Variants in GRIK1 observed in about 807,000 individuals in gnomAD.
The protein encoded by GRIK1 is glutamate receptor ionotropic, kainate 1.
A neutral mutation model predicts 105.7 loss-of-function variants in GRIK1; 69 were observed. That is an observed-to-expected ratio of 0.65 (90% CI 0.54 to 0.80). GRIK1 has a LOEUF of 0.80. Among genes scored for constraint, GRIK1 ranks in the 30% least tolerant of loss-of-function variants. The pLI, the probability that GRIK1 is intolerant of heterozygous loss-of-function variation, is 0.00. For synonymous variants in GRIK1, 438 were observed against 431.3 expected (o/e 1.02, Z -0.19); for missense variants, 1,109 against 1,167.3 (o/e 0.95, Z 0.73).
intron 7 of GRIK1, among the ~76,000 whole-genome samples, chr21:29,638,243 G>A (rs571791536): frequency 4.7e-4 from 71 of 152,126 alleles, no homozygotes; most frequent in African/African-American, 1.7e-3. Flanking sequence ...CAATCATGGC[G>A]GAAGGGGAAG....
intron 7 of GRIK1, chr21:29,630,489 T>C (rs1218027698): frequency 4.2e-6 from 2 of 471,352 alleles, no homozygotes; most frequent in Admixed American, 4.7e-5. Flanking sequence ...AATAGTTCTT[T>C]AATAAAAAGG....
intron 1 of GRIK1, among the ~76,000 whole-genome samples, chr21:29,753,043 A>G (rs532289115): frequency 6.8e-4 from 104 of 152,328 alleles, no homozygotes; most frequent in African/African-American, 2.4e-3. Context: ...CTCTTGTCAG[A>G]TGATATCATG....
chr21:29,807,679 G>A (rs1394215598), intron 1 of GRIK1, among the ~76,000 whole-genome samples: 2 of 152,210 alleles, frequency 1.3e-5, no homozygotes, highest in East Asian at 3.9e-4. Flanking sequence ...CAAATTTGTT[G>A]ATACATATTT....
chr21:29,865,372 G>A (rs1013456576), intron 1 of GRIK1, among the ~76,000 whole-genome samples: 16 of 152,184 alleles, frequency 1.1e-4, no homozygotes, highest in East Asian at 1.9e-4. Flanking sequence ...TCCTAAAAAT[G>A]TTCATAAATA....
intron 1 of GRIK1, among the ~76,000 whole-genome samples, chr21:29,821,016 C>T (rs941315076): frequency 6.6e-6 from 1 of 151,308 alleles, no homozygotes; most frequent in African/African-American, 2.4e-5. Context: ...AAAGTTGAGA[C>T]CCACAAAACT....
rs192753995 is a variant in GRIK1, at chr21:29,623,769, G to C, written c.1098+19057C>G. 7.4e-3 allele frequency among the ~76,000 whole-genome samples: 1,131 copies of C among 152,272 alleles called. 5 individuals carry two copies. Among genetic ancestry groups the C allele is most frequent in the Non-Finnish European group, 0.011 (739 of 68,004 alleles). On this transcript the variant is annotated intron_variant, in intron 7 of 17. Transcript: ENST00000327783. Reference sequence around the variant, plus strand: ...GAATAGAAAGCACTGGTATAATGTAGTAGGTGTTTGACCCTATATAAGAGT... The same window carrying C: ...GAATAGAAAGCACTGGTATAATGTACTAGGTGTTTGACCCTATATAAGAGT...
chr21:29,900,767 T>G (rs1443835948), intron 1 of GRIK1, among the ~76,000 whole-genome samples: 4 of 152,274 alleles, frequency 2.6e-5, no homozygotes, highest in African/African-American at 9.6e-5. Context: ...GGACTTGAAC[T>G]CAGCTCTGGA....
chr21:29,575,802 AGCCTGGGC>A (rs2090878686), intron 14 of GRIK1, among the ~76,000 whole-genome samples: 1 of 152,178 alleles, frequency 6.6e-6, no homozygotes, highest in African/African-American at 2.4e-5. Flanking sequence ...ACTGGACTCC[AGCCTGGGC>A]GACAGAGCGA....
At chr21:29,817,771 A>G (rs2067193271) in intron 1 of GRIK1, among the ~76,000 whole-genome samples, 1 of 152,140 alleles carries the variant, frequency 6.6e-6, no homozygotes, top group South Asian at 2.1e-4. Context: ...AATCGCTGGT[A>G]TTTAAGGGTT....
At chr21:29,541,452 A>G (rs923391867) in intron 16 of GRIK1, among the ~76,000 whole-genome samples, 1 of 152,186 alleles carries the variant, frequency 6.6e-6, no homozygotes, top group African/African-American at 2.4e-5. Flanking sequence ...TGATAATTCA[A>G]TGTACTGTTA....
chr21:29,617,562 G>T (rs966394175), intron 7 of GRIK1, among the ~76,000 whole-genome samples: 1 of 152,104 alleles, frequency 6.6e-6, no homozygotes, highest in Admixed American at 6.6e-5. Context: ...CATCCCCCAG[G>T]TACCCGGGCC....
chr21:29,538,569 T>C (rs1219767476), intron 16 of GRIK1, among the ~76,000 whole-genome samples: 2 of 146,980 alleles, frequency 1.4e-5, no homozygotes, highest in African/African-American at 5.4e-5. Flanking sequence ...CTCAAGTGTT[T>C]TTATCACAAT....
intron 1 of GRIK1, among the ~76,000 whole-genome samples, chr21:29,853,540 T>G (rs1306414112): frequency 6.6e-6 from 1 of 152,236 alleles, no homozygotes; most frequent in Non-Finnish European, 1.5e-5. Context: ...GTAAAAGTAT[T>G]TACTAATTCT....
chr21:29,618,138 C>A (rs1313264445), intron 7 of GRIK1, among the ~76,000 whole-genome samples: 4 of 152,170 alleles, frequency 2.6e-5, no homozygotes, highest in African/African-American at 9.7e-5. Flanking sequence ...ACTTCAGAGA[C>A]AGGGTTAGCA....
At chr21:29,766,293 C>T (rs924960605) in intron 1 of GRIK1, among the ~76,000 whole-genome samples, 6 of 152,184 alleles carry the variant, frequency 3.9e-5, no homozygotes, top group African/African-American at 1.4e-4. Flanking sequence ...GTCTCCACCC[C>T]TAGCTACATT....
intron 1 of GRIK1, among the ~76,000 whole-genome samples, chr21:29,874,021 A>G (rs1263235056): frequency 1.3e-5 from 2 of 152,134 alleles, no homozygotes; most frequent in Admixed American, 6.5e-5. Context: ...TGAGAATCTA[A>G]TGCCGCAGCT....
At chr21:29,775,927 T>A (rs1263780698) in intron 1 of GRIK1, among the ~76,000 whole-genome samples, 2 of 152,206 alleles carry the variant, frequency 1.3e-5, no homozygotes, top group Non-Finnish European at 2.9e-5. Context: ...CTGGGTAATT[T>A]ATAAAGGAAA....
intron 1 of GRIK1, among the ~76,000 whole-genome samples, chr21:29,730,503 A>G (rs1399519445): frequency 1.3e-5 from 2 of 152,202 alleles, no homozygotes; most frequent in East Asian, 3.8e-4. Flanking sequence ...TGCAGATAAG[A>G]TTTCAAATAG....
At chr21:29,678,967 A>G (rs2063324014) in intron 3 of GRIK1, among the ~76,000 whole-genome samples, 2 of 152,166 alleles carry the variant, frequency 1.3e-5, no homozygotes, top group African/African-American at 4.8e-5. Context: ...TTTCTATGGG[A>G]AAATGGAAGG....
Sources: gnomAD v4.1 joint callset for allele counts (sites outside exome capture counted in the v4.1 genomes callset) on GRCh38, gnomAD v4.1.1 for gene constraint, MANE v1.5 for transcripts, NCBI Gene and HGNC (gene_info 2026-07-23, HGNC 2026-07-21) for gene names.